CBR4: variants seen among roughly 807,000 people sequenced by gnomAD.
CBR4 encodes the protein carbonyl reductase 4, also known as 3-oxoacyl-[acyl-carrier-protein] reductase.
CBR4 carries 22 observed loss-of-function variants against 21.0 expected under a neutral mutation model. The ratio of observed to expected loss-of-function variants is 1.05; its 90% CI spans 0.75 to 1.50. The LOEUF is 1.50. Among genes scored for constraint, CBR4 ranks in the 40% most tolerant of loss-of-function variants. CBR4 has a pLI of 0.00. For synonymous variants in CBR4, 100 were observed against 104.4 expected, an observed-to-expected ratio of 0.96 and a Z score of 0.26; for missense variants, 302 against 286.3, an observed-to-expected ratio of 1.05 and a Z score of -0.40.
In CBR4 at chr4:168,978,753, G is replaced by A. The variant is rs143802493; in HGVS notation, n.169+23318C>T. Among the ~76,000 whole-genome samples the A allele has an allele frequency of 4.4e-3, 671 of 152,262 alleles. 9 individuals are homozygous for A. The highest frequency in any genetic ancestry group is 0.015 in the African/African-American group (639 of 41,536). ...GTAGCTTTGCCAACAAAGGAGGCCA[G>A]GTTCTCACGCATACCCCCAGGAGAG... On this transcript the variant is annotated intron_variant and non_coding_transcript_variant, in intron 2 of 3. Coordinates refer to the CBR4 transcript ENST00000509108.
Position 168,913,830 on chromosome 4 carries a change from A to C in CBR4, n.170-19065T>G, listed in dbSNP as rs1582134985. ...CAAATGGCATACTGAATTTTTTATGAAATAATGTCTTATAGAGAATAGGAC... is the reference window on the plus strand; with the variant it reads ...CAAATGGCATACTGAATTTTTTATGCAATAATGTCTTATAGAGAATAGGAC... On this transcript the variant is annotated intron_variant and non_coding_transcript_variant, in intron 2 of 3. Coordinates refer to the CBR4 transcript ENST00000509108. 1.7e-5 allele frequency: 15 copies of C among 875,048 alleles called. No homozygotes were observed. In the East Asian group the frequency reaches 3.7e-4, roughly 22 times the overall value. 54.2% of individuals were successfully genotyped at this position (875,048 alleles called of 1,614,324 possible). A position where few individuals can be genotyped will look rare whatever the true frequency, so the allele number is the denominator to read the frequency against.
At chr4:168,935,535 A>C (rs1168185831) in intron 2 of CBR4, among the ~76,000 whole-genome samples, 1 of 152,162 alleles carries the variant, frequency 6.6e-6, no homozygotes, top group Non-Finnish European at 1.5e-5. Flanking sequence ...ACTGCCACCA[A>C]GCATTCTGAA....
At chr4:168,895,890 A>G (rs1446598815) in intron 2 of CBR4, among the ~76,000 whole-genome samples, 1 of 152,200 alleles carries the variant, frequency 6.6e-6, no homozygotes, top group Admixed American at 6.5e-5. Flanking sequence ...TAAACTCATT[A>G]TAAGTTGAAA....
intron 2 of CBR4, among the ~76,000 whole-genome samples, chr4:168,978,606 C>T (rs1764445127): frequency 6.6e-6 from 1 of 152,172 alleles, no homozygotes. Context: ...CTCTGGAGAC[C>T]TCCCCTGACC....
At chr4:168,946,627 T>C (rs944705317) in intron 2 of CBR4, among the ~76,000 whole-genome samples, 1 of 152,214 alleles carries the variant, frequency 6.6e-6, no homozygotes, top group African/African-American at 2.4e-5. Context: ...CATTTTTCAT[T>C]AAAAATAGAT....
rs1762517817 is a variant in CBR4 at position 168,926,021 on chromosome 4, CTATCCTGTA to C, written n.170-31265_170-31257del. 5.3e-5 allele frequency among the ~76,000 whole-genome samples: 8 copies of C among 152,120 alleles called. No homozygotes were observed. The South Asian group carries it at 1.7e-3, about 32-fold the overall frequency. ...TTGTAATCTAGCTGCTTTATTCCCA[CTATCCTGTA>C]TAGACAGTAAATCTGCAACATGTGA... On this transcript the variant is annotated intron_variant and non_coding_transcript_variant, in intron 2 of 3. Transcript: ENST00000509108.
intron 2 of CBR4, among the ~76,000 whole-genome samples, chr4:168,928,810 C>T (rs943425689): frequency 1.4e-4 from 21 of 152,212 alleles, no homozygotes; most frequent in African/African-American, 5.1e-4. Context: ...GAATCTCCTT[C>T]ACCTCAGATC....
intron 2 of CBR4, among the ~76,000 whole-genome samples, chr4:168,977,778 G>A (rs529821465): frequency 5.9e-5 from 9 of 152,008 alleles, no homozygotes; most frequent in East Asian, 1.9e-4. Flanking sequence ...TGCGAATGGC[G>A]CCACCACTCA....
At chr4:168,981,631 C>T (rs575012490) in intron 2 of CBR4, among the ~76,000 whole-genome samples, 4 of 152,010 alleles carry the variant, frequency 2.6e-5, no homozygotes, top group Admixed American at 2.6e-4. Context: ...TGTAAAGATG[C>T]CAAATCTATG....
At chr4:168,972,179 T>C (rs1401023237) in intron 2 of CBR4, among the ~76,000 whole-genome samples, 1 of 152,226 alleles carries the variant, frequency 6.6e-6, no homozygotes, top group Non-Finnish European at 1.5e-5. Flanking sequence ...ATTTGATAAG[T>C]ATAGCCTGTA....
rs918996697 is a variant in CBR4, at chr4:168,989,935, C to A, written c.*215G>T. 46 of 1,185,054 alleles carry A rather than the reference C, an allele frequency of 3.9e-5. No homozygotes were observed. Among genetic ancestry groups the A allele is most frequent in the Non-Finnish European group, 4.5e-5 (43 of 956,676 alleles). 73.4% of individuals were successfully genotyped at this position (1,185,054 alleles called of 1,614,324 possible). A position where few individuals can be genotyped will look rare whatever the true frequency, so the allele number is the denominator to read the frequency against. ...TTGTATCTCATGAAGGCTTTTTAAA[C>A]AAAACAACACTGATGTAACTTAGAC... is the stretch of plus-strand genomic sequence containing the variant. On this transcript the variant is annotated 3_prime_UTR_variant, in exon 5 of 5. Coordinates refer to ENST00000306193, the MANE Select transcript of CBR4 (RefSeq NM_032783.5).
At chr4:168,994,102 C>T (rs904332118) in intron 4 of CBR4, among the ~76,000 whole-genome samples, 1 of 152,174 alleles carries the variant, frequency 6.6e-6, no homozygotes, top group Non-Finnish European at 1.5e-5. Context: ...GAGCCTCAAA[C>T]AGACATTCAC....
At chr4:168,936,501 C>T (rs544266759) in intron 2 of CBR4, among the ~76,000 whole-genome samples, 7 of 152,144 alleles carry the variant, frequency 4.6e-5, no homozygotes, top group Non-Finnish European at 7.4e-5. Context: ...TGAAGGAGCA[C>T]GTTCTAACCC....
chr4:168,927,079 T>A (rs1373620081), intron 2 of CBR4: 3 of 220,920 alleles, frequency 1.4e-5, no homozygotes, highest in African/African-American at 6.7e-5. Context: ...AAGGCTAATT[T>A]AAATATAAAT....
intron 2 of CBR4, among the ~76,000 whole-genome samples, chr4:168,959,411 A>C (rs1354604221): frequency 6.6e-6 from 1 of 151,708 alleles, no homozygotes; most frequent in African/African-American, 2.4e-5. Flanking sequence ...CCTTTCACCA[A>C]TACCACACTG....
At chr4:168,958,440 A>G (rs1763750508) in intron 2 of CBR4, among the ~76,000 whole-genome samples, 1 of 152,190 alleles carries the variant, frequency 6.6e-6, no homozygotes, top group Non-Finnish European at 1.5e-5. Flanking sequence ...GTATGGATAG[A>G]TTATATTTTG....
intron 2 of CBR4, among the ~76,000 whole-genome samples, chr4:168,981,801 T>G (rs1204394578): frequency 5.3e-5 from 8 of 152,218 alleles, no homozygotes; most frequent in Non-Finnish European, 8.8e-5. Flanking sequence ...GAATTTCATA[T>G]GCAGCCAAAC....
chr4:169,003,237 G>T (rs1052005264), intron 3 of CBR4, among the ~76,000 whole-genome samples: 2 of 152,198 alleles, frequency 1.3e-5, no homozygotes, highest in Non-Finnish European at 2.9e-5. Context: ...ATGCCATTCA[G>T]AACATTTGTG....
Position 168,898,497 on chromosome 4 carries a change from A to T in CBR4, n.170-3732T>A, listed in dbSNP as rs923093903. 4 of 1,608,494 alleles carry T rather than the reference A, an allele frequency of 2.5e-6. No homozygotes were observed. In the Admixed American group the frequency reaches 6.7e-5, roughly 27 times the overall value. Reference sequence around the variant, plus strand: ...CTTAAACTTTCCTTGATTCAGGAATACAAAGTCTCCAGCTGTGAACAGAGA... The same window carrying T: ...CTTAAACTTTCCTTGATTCAGGAATTCAAAGTCTCCAGCTGTGAACAGAGA... On this transcript the variant is annotated intron_variant and non_coding_transcript_variant, in intron 2 of 3. Coordinates refer to the CBR4 transcript ENST00000509108.
Sources: gnomAD v4.1 joint callset for allele counts (sites outside exome capture counted in the v4.1 genomes callset) on GRCh38, gnomAD v4.1.1 for gene constraint, MANE v1.5 for transcripts, NCBI Gene and HGNC (gene_info 2026-07-23, HGNC 2026-07-21) for gene names.